The following IL1RL1 variants were observed in gnomAD, a reference collection of about 807,000 sequenced individuals.
The protein encoded by IL1RL1 is interleukin-1 receptor-like 1.
A neutral mutation model predicts 50.9 loss-of-function variants in IL1RL1; 32 were observed. The observed-to-expected ratio is 0.63, with a 90% CI of 0.47 to 0.84. IL1RL1 has a LOEUF of 0.84. Ranked by LOEUF, IL1RL1 falls within the 40% of genes least tolerant of loss-of-function variation. IL1RL1 has a pLI of 0.00. For synonymous variants in IL1RL1, 275 were observed against 236.0 expected (o/e 1.17, Z -1.51); for missense variants, 773 against 662.9 (o/e 1.17, Z -1.82).
chr2:102,312,754 T>A (rs944930908), intron 1 of IL1RL1, among the ~76,000 whole-genome samples: 2 of 151,988 alleles, frequency 1.3e-5, no homozygotes, highest in African/African-American at 4.8e-5. Context: ...TAAGTTCAAG[T>A]TTGTTGCGGG....
At chr2:102,315,661 G>C (rs1676654800) in intron 1 of IL1RL1, among the ~76,000 whole-genome samples, 1 of 152,050 alleles carries the variant, frequency 6.6e-6, no homozygotes, top group African/African-American at 2.4e-5. Context: ...TTCTTAAGTA[G>C]TGGTTTCTGG....
chr2:102,345,595 G>A (rs917808089), intron 8 of IL1RL1: 58 of 985,318 alleles, frequency 5.9e-5, no homozygotes, highest in Non-Finnish European at 7.0e-5. Context: ...GGGGACAGCG[G>A]GCCCCCAATA....
At position 102,331,887 on chromosome 2, in the gene IL1RL1, G is replaced by A. The variant is rs145428116; in HGVS notation, c.-149-6229G>A. On this transcript the variant is annotated intron_variant, in intron 1 of 10. Transcript: ENST00000233954. ...GTTTGAGACCAGCTTTGGCAATATG[G>A]TGAAACCCCATCTCTACGAAAAATA... Among the ~76,000 whole-genome samples the A allele has an allele frequency of 2.0e-4, 31 of 152,038 alleles. No individual in the cohort carries two copies. In the East Asian group the frequency reaches 5.4e-3, roughly 27 times the overall value.
chr2:102,312,979 A>G (rs1187896850), intron 1 of IL1RL1: 1 of 152,074 alleles, frequency 6.6e-6, no homozygotes, highest in Non-Finnish European at 1.5e-5. Flanking sequence ...AGGCCAAACT[A>G]TTCACATGCC....
intron 1 of IL1RL1, among the ~76,000 whole-genome samples, chr2:102,315,722 G>A (rs1334702339): frequency 2.6e-5 from 4 of 152,096 alleles, no homozygotes; most frequent in African/African-American, 7.2e-5. Flanking sequence ...GATCACGAAC[G>A]TACACACCAA....
At chr2:102,314,426 T>C (rs1676613133) in intron 1 of IL1RL1, among the ~76,000 whole-genome samples, 1 of 152,166 alleles carries the variant, frequency 6.6e-6, no homozygotes, top group Non-Finnish European at 1.5e-5. Flanking sequence ...TAGAAAGGGA[T>C]GCTATCCTAA....
chr2:102,346,385 A>T lies in IL1RL1; in HGVS notation c.971-1560A>T, dbSNP rs117035910. Among the ~76,000 whole-genome samples the T allele has an allele frequency of 1.3e-4, 20 of 152,374 alleles. No homozygotes were observed. The East Asian group carries it at 3.9e-3, about 29-fold the overall frequency. ...TACTACAGTTATGGAGCAAGGATTC[A>T]AACACAGCCAGCATTTTCCTAGCTA... is the stretch of plus-strand genomic sequence containing the variant. On this transcript the variant is annotated intron_variant, in intron 8 of 10. Coordinates refer to ENST00000233954, the MANE Select transcript of IL1RL1 (RefSeq NM_016232.5).
intron 1 of IL1RL1, 30 bp from the exon 2 acceptor site, chr2:102,338,086 G>C: frequency 2.4e-6 from 1 of 421,980 alleles, no homozygotes. Context: ...TAAAAATTCT[G>C]TTTATGGTTT....
intron 2 of IL1RL1, 47 bp from the exon 3 acceptor site, chr2:102,338,790 T>A: frequency 7.2e-7 from 1 of 1,398,212 alleles, no homozygotes; most frequent in Non-Finnish European, 1.0e-6. Flanking sequence ...AATTATGATC[T>A]TTTCATTTGA....
chr2:102,350,681 C>G (rs1411268418), intron 10 of IL1RL1, among the ~76,000 whole-genome samples: 7 of 152,356 alleles, frequency 4.6e-5, no homozygotes, highest in African/African-American at 1.7e-4. Context: ...CTGCTCCAGG[C>G]TGGGTTTGGC....
intron 8 of IL1RL1, chr2:102,346,116 G>T (rs917534468): frequency 2.2e-6 from 2 of 929,572 alleles, no homozygotes; most frequent in Admixed American, 6.2e-5. Flanking sequence ...TTGTCATGAT[G>T]AATTCTTTTT....
chr2:102,352,246 T>A (rs1418923884), downstream of IL1RL1, among the ~76,000 whole-genome samples: 2 of 146,352 alleles, frequency 1.4e-5, no homozygotes, highest in Admixed American at 1.4e-4. Flanking sequence ...CTCATTCTTG[T>A]CAATAATCTG....
intron 1 of IL1RL1, among the ~76,000 whole-genome samples, chr2:102,333,743 C>T (rs1208837894): frequency 2.6e-5 from 4 of 152,146 alleles, no homozygotes; most frequent in Non-Finnish European, 5.9e-5. Context: ...CCCCTACCCT[C>T]CCTACTTTTG....
At chr2:102,331,143 T>C (rs1677168081) in intron 1 of IL1RL1, among the ~76,000 whole-genome samples, 3 of 152,248 alleles carry the variant, frequency 2.0e-5, no homozygotes, top group Admixed American at 2.0e-4. Context: ...ATGGTAGCTT[T>C]TATATTAAGT....
chr2:102,350,477 C>CT (rs1677897101), intron 10 of IL1RL1, among the ~76,000 whole-genome samples: 1 of 152,258 alleles, frequency 6.6e-6, no homozygotes, highest in Admixed American at 6.5e-5. Flanking sequence ...GACCTTTCCT[C>CT]AACCAAAATA....
intron 4 of IL1RL1, 24 bp downstream of exon 4, chr2:102,340,296 T>C (rs373982972): frequency 1.3e-6 from 2 of 1,556,806 alleles, no homozygotes; most frequent in Non-Finnish European, 1.7e-6. Context: ...TGGAAGGAAA[T>C]AGATGAAAAT....
Position 102,342,305 on chromosome 2 carries a change from T to C in IL1RL1, c.682+11T>C. On this transcript the variant is annotated intron_variant, in intron 6 of 10. Coordinates refer to ENST00000233954, the MANE Select transcript of IL1RL1 (RefSeq NM_016232.5). ...AGGAAGTGGAAATTGGTAAGAAAATTTATCAGAATGCTGTAAATATTGCCT... is the reference window on the plus strand; with the variant it reads ...AGGAAGTGGAAATTGGTAAGAAAATCTATCAGAATGCTGTAAATATTGCCT... 6.4e-7 allele frequency: 1 copy of C among 1,572,272 alleles called. No individual in the cohort carries two copies. Among genetic ancestry groups the C allele is most frequent in the Non-Finnish European group, 8.8e-7 (1 of 1,142,358 alleles).
At chr2:102,313,722 C>T (rs938014801) in intron 1 of IL1RL1, among the ~76,000 whole-genome samples, 4 of 152,222 alleles carry the variant, frequency 2.6e-5, no homozygotes, top group Non-Finnish European at 5.9e-5. Flanking sequence ...GCCAGGCTGA[C>T]ATCCATGTCC....
intron 5 of IL1RL1, among the ~76,000 whole-genome samples, chr2:102,341,953 G>A (rs1197673343): frequency 6.6e-6 from 1 of 151,860 alleles, no homozygotes; most frequent in African/African-American, 2.4e-5. Context: ...TTATGGGTTG[G>A]ATCTGCATTT....
Sources: allele counts gnomAD v4.1 joint callset (sites outside exome capture counted in the v4.1 genomes callset), GRCh38; gene constraint gnomAD v4.1.1; transcripts MANE v1.5; gene names NCBI Gene and HGNC (gene_info 2026-07-23, HGNC 2026-07-21).